Variants in CDC42BPB observed in about 807,000 individuals in gnomAD.
CDC42BPB encodes the protein CDC42 binding protein kinase beta.
In CDC42BPB, 37 loss-of-function variants were observed where a neutral mutation model predicts 214.9. That is an observed-to-expected ratio of 0.17 (90% CI 0.13 to 0.23). The LOEUF (loss-of-function observed/expected upper bound fraction) is 0.23. Among genes scored for constraint, CDC42BPB ranks in the 10% least tolerant of loss-of-function variants. CDC42BPB has a pLI of 1.00. For synonymous variants in CDC42BPB, 931 were observed against 884.0 expected, an observed-to-expected ratio of 1.05 and a Z score of -0.94; for missense variants, 1,694 against 2,227.0, an observed-to-expected ratio of 0.76 and a Z score of 4.82.
At position 102,974,072 on chromosome 14, in the gene CDC42BPB, G is replaced by A. The variant is rs374111285; in HGVS notation, c.1585C>T (p.Arg529Trp). Residue 529 changes from arginine (R) to tryptophan (W), a missense_variant, in exon 12 of 37, where the codon CGG becomes TGG. Coordinates refer to ENST00000361246, the MANE Select transcript of CDC42BPB (RefSeq NM_006035.4). Reference protein sequence around the residue: ...QEREDSTQRLRGLEKQHRVVR... With the variant: ...QEREDSTQRLWGLEKQHRVVR... ...ACGCGGTGCTGCTTCTCCAGCCCCC[G>A]CAGCCGCTGCGTGGAGTCCTCACGC... The A allele has an allele frequency of 1.6e-5, 26 of 1,613,676 alleles. No homozygotes were observed. The highest frequency in any genetic ancestry group is 8.0e-5 in the African/African-American group (6 of 74,926).
chr14:102,993,480 GAA>G (rs768212665), intron 5 of CDC42BPB, among the ~76,000 whole-genome samples: 30 of 149,590 alleles, frequency 2.0e-4, no homozygotes, highest in Admixed American at 3.3e-4. Flanking sequence ...CTTTTCTCAT[GAA>G]AAAAGAGTGA....
chr14:102,977,817 C>T lies in CDC42BPB; in HGVS notation c.1220+309G>A, dbSNP rs35924822. Among the ~76,000 whole-genome samples, 8 of 152,224 alleles carry T rather than the reference C, an allele frequency of 5.3e-5. No individual in the cohort carries two copies. The East Asian group carries it at 1.3e-3, about 26-fold the overall frequency. The stretch of plus-strand genomic sequence containing the variant: ...CCCGAGGCCTGTTTCTGCACCATCA[C>T]GAGCATGAATGGTTTTAACATTTTT... On this transcript the variant is annotated intron_variant, in intron 9 of 36. Coordinates refer to ENST00000361246, the MANE Select transcript of CDC42BPB (RefSeq NM_006035.4).
At chr14:102,934,534 A>G (rs1453732483) in intron 36 of CDC42BPB, among the ~76,000 whole-genome samples, 1 of 151,874 alleles carries the variant, frequency 6.6e-6, no homozygotes. Context: ...ACTCCGTCAC[A>G]AAACAAAACA....
chr14:102,994,876 T>C (rs34236104), intron 5 of CDC42BPB, among the ~76,000 whole-genome samples: 6,158 of 152,304 alleles, frequency 0.04, 418 homozygotes, highest in African/African-American at 0.14. Flanking sequence ...AGCAGAGGTC[T>C]GATTCCCACA....
chr14:102,961,630 G>A (rs1403839170), intron 20 of CDC42BPB, among the ~76,000 whole-genome samples: 2 of 151,746 alleles, frequency 1.3e-5, no homozygotes, highest in African/African-American at 2.4e-5. Flanking sequence ...CTCCCGGGTT[G>A]AGGTTCAAGT....
At chr14:103,014,696 G>A (rs549907738) in intron 1 of CDC42BPB, among the ~76,000 whole-genome samples, 66 of 152,286 alleles carry the variant, frequency 4.3e-4, no homozygotes, top group African/African-American at 1.6e-3. Context: ...CTGGGAGACA[G>A]TGAGTTATGA....
In CDC42BPB at chr14:102,940,213, C is replaced by T. The variant is rs561015285; in HGVS notation, c.4506+14G>A. The T allele has an allele frequency of 1.4e-5, 23 of 1,607,602 alleles. No individual in the cohort carries two copies. Among genetic ancestry groups the T allele is most frequent in the Middle Eastern group, 3.3e-4 (2 of 6,054 alleles). On this transcript the variant is annotated intron_variant, in intron 31 of 36. Transcript: ENST00000361246. ...GAAGCCCGCCCGCACAGGAGGGCAC[C>T]GAGGCCGCCTTACCCTCCGCAGGCC...
intron 9 of CDC42BPB, among the ~76,000 whole-genome samples, chr14:102,976,592 C>T (rs1893757762): frequency 1.3e-5 from 2 of 152,228 alleles, no homozygotes; most frequent in Admixed American, 1.3e-4. Flanking sequence ...CCCAGGATGG[C>T]TCTCATTTAA....
chr14:103,032,540 A>C (rs868843615), intron 1 of CDC42BPB, among the ~76,000 whole-genome samples: 7,349 of 147,624 alleles, frequency 0.05, 403 homozygotes, highest in African/African-American at 0.17. Context: ...AACTGCAAAA[A>C]AAAAAAAAAA....
rs1322994625 is a variant in CDC42BPB at position 102,932,881 on chromosome 14, G to GC, written c.*830_*831insG. The GC allele has an allele frequency of 2.3e-5, 3 of 129,926 alleles. No individual in the cohort carries two copies. Among genetic ancestry groups the GC allele is most frequent in the Non-Finnish European group, 3.3e-5 (2 of 60,722 alleles). 8.0% of individuals were successfully genotyped at this position (129,926 alleles called of 1,614,324 possible). A position where few individuals can be genotyped will look rare whatever the true frequency, so the allele number is the denominator to read the frequency against. On this transcript the variant is annotated 3_prime_UTR_variant, in exon 37 of 37. Coordinates refer to ENST00000361246, the MANE Select transcript of CDC42BPB (RefSeq NM_006035.4). The stretch of plus-strand genomic sequence containing the variant: ...CATGCGGGGGCAGGACTGGTGGGGG[G>GC]GGGGGCGGGCAGGGCGGGGCGGGGT...
intron 1 of CDC42BPB, among the ~76,000 whole-genome samples, chr14:103,052,742 C>T (rs77758464): frequency 0.027 from 4,179 of 152,312 alleles, 192 homozygotes; most frequent in African/African-American, 0.093. Context: ...ACACCAGCAT[C>T]AAGCCTGAGG....
intron 36 of CDC42BPB, chr14:102,934,310 G>C (rs1315485036): frequency 6.5e-6 from 1 of 154,366 alleles, no homozygotes; most frequent in Non-Finnish European, 1.4e-5. Flanking sequence ...CAAGGCAGGC[G>C]GATCACAAAG....
At chr14:103,026,909 G>A (rs35797901) in intron 1 of CDC42BPB, among the ~76,000 whole-genome samples, 2,069 of 151,066 alleles carry the variant, frequency 0.014, 45 homozygotes, top group African/African-American at 0.047. Context: ...CAACAGAAGC[G>A]TAGGAAATAT....
chr14:103,023,691 T>G (rs1886892248), intron 1 of CDC42BPB, among the ~76,000 whole-genome samples: 1 of 152,138 alleles, frequency 6.6e-6, no homozygotes, highest in African/African-American at 2.4e-5. Flanking sequence ...GATTTTCGAG[T>G]AAAAACTTTA....
At chr14:102,963,852 G>T (rs965650668) in intron 19 of CDC42BPB, among the ~76,000 whole-genome samples, 1 of 152,232 alleles carries the variant, frequency 6.6e-6, no homozygotes, top group African/African-American at 2.4e-5. Context: ...AAACTAACAG[G>T]ATTTGGGACT....
intron 12 of CDC42BPB, 48 bp downstream of exon 12, chr14:102,973,968 T>C (rs1893608878): frequency 1.3e-6 from 2 of 1,562,012 alleles, no homozygotes; most frequent in African/African-American, 1.4e-5. Flanking sequence ...CCTTACAGAA[T>C]TCTGCAAAGT....
intron 1 of CDC42BPB, among the ~76,000 whole-genome samples, chr14:103,015,090 T>C (rs145481931): frequency 1.1e-3 from 167 of 152,226 alleles, no homozygotes; most frequent in African/African-American, 3.8e-3. Context: ...ACACAGATGA[T>C]GGTGGCCAGG....
chr14:103,056,378 G>A (rs1424816715), intron 1 of CDC42BPB, among the ~76,000 whole-genome samples: 1 of 152,190 alleles, frequency 6.6e-6, no homozygotes, highest in African/African-American at 2.4e-5. Flanking sequence ...CCAACAAGGG[G>A]ATGTAGACAG....
intron 5 of CDC42BPB, among the ~76,000 whole-genome samples, chr14:102,998,926 C>T (rs564899034): frequency 2.7e-4 from 40 of 146,344 alleles, no homozygotes; most frequent in Middle Eastern, 6.9e-3. Flanking sequence ...GGGTCTTGGG[C>T]GGTAGAGACA....
Sources: gnomAD v4.1 joint callset for allele counts (sites outside exome capture counted in the v4.1 genomes callset) on GRCh38, gnomAD v4.1.1 for gene constraint, MANE v1.5 for transcripts, NCBI Gene and HGNC (gene_info 2026-07-23, HGNC 2026-07-21) for gene names.